Variants in TONSL observed in about 807,000 individuals in gnomAD.
TONSL encodes the protein tonsoku-like protein.
Under a neutral mutation model 147.1 loss-of-function variants are expected in TONSL, and 112 were observed. The ratio of observed to expected loss-of-function variants is 0.76; its 90% confidence interval spans 0.65 to 0.89. The LOEUF (loss-of-function observed/expected upper bound fraction) is 0.89. Ranked by LOEUF, TONSL falls within the 40% of genes least tolerant of loss-of-function variation. TONSL has a pLI of 0.00. For missense variants in TONSL, 1,883 were observed against 1,864.6 expected (o/e 1.01, Z -0.18); for synonymous variants, 868 against 801.5 (o/e 1.08, Z -1.40).
At chr8:144,438,622 G>A (rs370703257) in intron 12 of TONSL, 31 bp downstream of exon 12, 156 of 1,612,644 alleles carry the variant, frequency 9.7e-5, no homozygotes, top group Middle Eastern at 3.3e-4. Flanking sequence ...GCTGCTGAGC[G>A]GGGTGGGTGG....
Position 144,442,691 on chromosome 8 carries a change from G to A in TONSL, c.564C>T (p.Ser188=). The A allele has an allele frequency of 6.2e-7, 1 of 1,612,766 alleles. No homozygotes were observed. The highest frequency in any genetic ancestry group is 2.2e-5 in the East Asian group (1 of 44,888). ...CAGGGCCTTACTCCGCAAGGAAGATGCTCTTCCTGAAGTAATCGTTGCACA... is the reference window on the plus strand; with the variant it reads ...CAGGGCCTTACTCCGCAAGGAAGATACTCTTCCTGAAGTAATCGTTGCACA... The part of the protein sequence containing the change: ...TALCNDYFRK[S]IFLAEQNHLY... The change falls in exon 5 of 26, where the codon AGC becomes AGT. Residue 188 remains serine, a synonymous_variant. Coordinates refer to ENST00000409379, the MANE Select transcript of TONSL (RefSeq NM_013432.5).
chr8:144,440,720 C>G lies in TONSL; in HGVS notation c.1162G>C (p.Glu388Gln), dbSNP rs777286020. 3 of 1,612,044 alleles carry G rather than the reference C, an allele frequency of 1.9e-6. No homozygotes were observed. Among genetic ancestry groups the G allele is most frequent in the Non-Finnish European group, 2.5e-6 (3 of 1,179,494 alleles). ...CGGGCGGGGAGCAAGGGTTTCACCT[C>G]CAGCACGTTGCCGCTGCGCAGCCTC... ...ELRLRSGNVL[E>Q]EAKTWLNIAL... The change falls in exon 9 of 26, where the codon GAG becomes CAG. Residue 388 changes from glutamate to glutamine, a missense_variant and splice_region_variant. Coordinates refer to ENST00000409379, the MANE Select transcript of TONSL (RefSeq NM_013432.5).
At chr8:144,438,782 G>T (rs758685527) in intron 11 of TONSL, 47 bp from the exon 12 acceptor site, 3 of 1,584,028 alleles carry the variant, frequency 1.9e-6, no homozygotes, top group Non-Finnish European at 2.6e-6. Flanking sequence ...GGGAGGTGAA[G>T]GTTAGCAGCC....
In TONSL at chr8:144,440,374, G is replaced by C; in HGVS notation, c.1267C>G (p.Gln423Glu). 1 of 1,602,022 alleles carries C rather than the reference G, an allele frequency of 6.2e-7. No individual in the cohort carries two copies. The highest frequency in any genetic ancestry group is 8.5e-7 in the Non-Finnish European group (1 of 1,172,742). Residue 423 changes from glutamine (Q) to glutamate (E), a missense_variant, in exon 10 of 26, where the codon CAG (glutamine) becomes GAG (glutamate). Transcript: ENST00000409379. The stretch of plus-strand genomic sequence containing the variant: ...ACCTGCAGCTGGGGACGCTGGGCCT[G>C]CTGGGCACAGCTGAGCGCTTTCTGG... ...CFQKALSCAQ[Q>E]AQRPQLQRQV...
rs982377750 is a variant in TONSL, at chr8:144,435,815, C to G, written c.2618G>C (p.Arg873Pro). ...CAGGCGGACCTGCTTGGCTCGGGCA[C>G]GGGGCCTGCTCTCCTCACTGTCCGA... ...SGSDSEESRP[R>P]ARAKQVRLTC... Residue 873 changes from arginine to proline, a missense_variant, in exon 17 of 26, where the codon CGT (arginine) becomes CCT (proline). Transcript: ENST00000409379. 17 of 1,612,492 alleles carry G rather than the reference C, an allele frequency of 1.1e-5. No homozygotes were observed. Among genetic ancestry groups the G allele is most frequent in the Non-Finnish European group, 1.4e-5 (16 of 1,179,808 alleles).
In TONSL at chr8:144,440,056, G is replaced by C. The variant is rs1380702235; in HGVS notation, c.1445C>G (p.Ala482Gly). The change falls in exon 11 of 26, where the codon GCC becomes GGC. Residue 482 changes from alanine to glycine, a missense_variant. Physicochemically the swap from Ala to Gly is moderately conservative, Grantham distance 60. Coordinates refer to ENST00000409379, the MANE Select transcript of TONSL (RefSeq NM_013432.5). ...GAGCTCCACCTCGCCGGCCTCCAGGGCTTCGCTCTCCGCTGTGGCTGCCGC... is the reference window on the plus strand; with the variant it reads ...GAGCTCCACCTCGCCGGCCTCCAGGCCTTCGCTCTCCGCTGTGGCTGCCGC... ...EEAAATAESEALEAGEVELSE... is the reference protein window; with the variant it reads ...EEAAATAESEGLEAGEVELSE... 2 of 1,527,590 alleles carry C rather than the reference G, an allele frequency of 1.3e-6. No homozygotes were observed. The highest frequency in any genetic ancestry group is 2.3e-5 in the East Asian group (1 of 44,408). The allele number at this position is 1,527,590 out of a possible 1,614,324, so 94.6% of individuals were successfully genotyped here. A position where few individuals can be genotyped will look rare whatever the true frequency, so the allele number is the denominator to read the frequency against.
At position 144,443,892 on chromosome 8, in the gene TONSL, G is replaced by C. The variant is rs575606013; in HGVS notation, c.254C>G (p.Ala85Gly). 6 of 1,545,474 alleles carry C rather than the reference G, an allele frequency of 3.9e-6. No homozygotes were observed. In the African/African-American group the frequency reaches 6.8e-5, roughly 18 times the overall value. ...ERLAEMEDYP[A>G]ALQHQHQYLE... Reference sequence around the variant, plus strand: ...TGAGGGCGCCCGCACCTGCAAGGCAGCCGGGTAGTCCTCCATCTCGGCCAG... The same window carrying C: ...TGAGGGCGCCCGCACCTGCAAGGCACCCGGGTAGTCCTCCATCTCGGCCAG... Residue 85 changes from alanine to glycine, a missense_variant, in exon 3 of 26, where the codon GCT (alanine) becomes GGT (glycine). Physicochemically the swap from Ala to Gly is moderately conservative, Grantham distance 60. Coordinates refer to ENST00000409379, the MANE Select transcript of TONSL (RefSeq NM_013432.5).
In TONSL at chr8:144,430,452, A is replaced by G. The variant is rs782291399; in HGVS notation, c.3895T>C (p.Ser1299Pro). 1 of 1,613,096 alleles carries G rather than the reference A, an allele frequency of 6.2e-7. No homozygotes were observed. The highest frequency in any genetic ancestry group is 1.1e-5 in the South Asian group (1 of 90,874). The stretch of plus-strand genomic sequence containing the variant: ...CCTTGGGGCCGCTTTTGGAGGGTGG[A>G]CAGGAGCTCTTCCAAGCTGGCACAG... ...ISCASLEELLSTLQKRPQGLS... is the reference protein window; with the variant it reads ...ISCASLEELLPTLQKRPQGLS... Residue 1299 changes from serine (S) to proline (P), a missense_variant, in exon 25 of 26, where the codon TCC becomes CCC. Ser to Pro is a moderately conservative substitution (Grantham distance 74). Coordinates refer to ENST00000409379, the MANE Select transcript of TONSL (RefSeq NM_013432.5).
chr8:144,440,609 A>G, intron 9 of TONSL, 109 bp downstream of exon 9: 1 of 1,531,638 alleles, frequency 6.5e-7, no homozygotes, highest in South Asian at 1.2e-5. Flanking sequence ...GGTCCTAGGA[A>G]GGAGCTGCCC....
At chr8:144,436,979 C>T (rs745687672) in intron 14 of TONSL, 48 bp downstream of exon 14, 2 of 1,612,980 alleles carry the variant, frequency 1.2e-6, no homozygotes, top group Non-Finnish European at 1.7e-6. Flanking sequence ...GACTCTTCGC[C>T]CCACGTGTCC....
In TONSL at chr8:144,434,094, C is replaced by G. The variant is rs1554879340; in HGVS notation, c.3271G>C (p.Val1091Leu). 8 of 1,612,294 alleles carry G rather than the reference C, an allele frequency of 5.0e-6. No individual in the cohort carries two copies. The highest frequency in any genetic ancestry group is 6.8e-6 in the Non-Finnish European group (8 of 1,179,682). Reference protein sequence around the residue: ...RLGDKCVAELVAALGTMPSLA... With the variant: ...RLGDKCVAELLAALGTMPSLA... ...CTGGGCATGGTGCCCAGGGCAGCCACCAGCTCAGCCACACACTTGTCCCCC... is the reference window on the plus strand; with the variant it reads ...CTGGGCATGGTGCCCAGGGCAGCCAGCAGCTCAGCCACACACTTGTCCCCC... The change falls in exon 21 of 26, where the codon GTG (valine) becomes CTG (leucine). Residue 1091 changes from valine to leucine, a missense_variant. By Grantham distance (32) the Val-to-Leu change is conservative. Transcript: ENST00000409379.
chr8:144,442,493 G>A, intron 5 of TONSL, 81 bp from the exon 6 acceptor site: 1 of 1,492,016 alleles, frequency 6.7e-7, no homozygotes, highest in Non-Finnish European at 8.9e-7. Context: ...GCCCTGCCAT[G>A]CTGTGGTCTC....
In TONSL at chr8:144,432,473, C is replaced by T. The variant is rs797038986; in HGVS notation, c.3560-13G>A. 4 of 1,521,332 alleles carry T rather than the reference C, an allele frequency of 2.6e-6. No individual in the cohort carries two copies. In the South Asian group the frequency reaches 5.2e-5, roughly 20 times the overall value. The allele number at this position is 1,521,332 out of a possible 1,614,324, so 94.2% of individuals were successfully genotyped here. A position where few individuals can be genotyped will look rare whatever the true frequency, so the allele number is the denominator to read the frequency against. The stretch of plus-strand genomic sequence containing the variant: ...AGGTGCTCAGCATCTGCACCGGGGC[C>T]AGAATCCGTCAGCCCCACGTGGCCA... On this transcript the variant is annotated splice_polypyrimidine_tract_variant and intron_variant, in intron 22 of 25. Coordinates refer to ENST00000409379, the MANE Select transcript of TONSL (RefSeq NM_013432.5).
At chr8:144,430,590 C>G (rs1235560774) in intron 24 of TONSL, 53 bp from the exon 25 acceptor site, 1 of 1,552,632 alleles carries the variant, frequency 6.4e-7, no homozygotes, top group Non-Finnish European at 8.7e-7. Flanking sequence ...AGGCTGTGCC[C>G]CAACACTAGG....
Position 144,442,810 on chromosome 8 carries a change from G to A in TONSL, c.449-4C>T, listed in dbSNP as rs751511411. On this transcript the variant is annotated splice_polypyrimidine_tract_variant and splice_region_variant and intron_variant, in intron 4 of 25. Coordinates refer to ENST00000409379, the MANE Select transcript of TONSL (RefSeq NM_013432.5). ...AGCTCTCCCTGGGCCAGTGTCCCTG[G>A]AAGATACCCCCCCAAACACTCAGCC... The A allele has an allele frequency of 1.2e-6, 2 of 1,609,726 alleles. No individual in the cohort carries two copies. The highest frequency in any genetic ancestry group is 4.5e-5 in the East Asian group (2 of 44,846).
intron 2 of TONSL, 37 bp from the exon 3 acceptor site, chr8:144,444,061 G>A (rs757693828): frequency 6.8e-7 from 1 of 1,475,180 alleles, no homozygotes; most frequent in Non-Finnish European, 9.0e-7. Flanking sequence ...CAGGCGTCGC[G>A]GGTGCGAGGG....
In TONSL at chr8:144,429,079, G is replaced by A. The variant is rs1823045486; in HGVS notation, c.*64C>T. The A allele has an allele frequency of 2.1e-6, 3 of 1,446,624 alleles. No individual in the cohort carries two copies. Among genetic ancestry groups the A allele is most frequent in the Non-Finnish European group, 1.8e-6 (2 of 1,102,468 alleles). 89.6% of individuals were successfully genotyped at this position (1,446,624 alleles called of 1,614,324 possible). Reference sequence around the variant, plus strand: ...GTTGGGATTACAGGCGTGAGCCACCGCGCCCGGCCAGCAGCTTCATTTATT... The same window carrying A: ...GTTGGGATTACAGGCGTGAGCCACCACGCCCGGCCAGCAGCTTCATTTATT... On this transcript the variant is annotated 3_prime_UTR_variant, in exon 26 of 26. Transcript: ENST00000409379.
rs774494708 is a variant in TONSL, at chr8:144,440,128, T to C, written c.1373A>G (p.Glu458Gly). 3.1e-6 allele frequency: 5 copies of C among 1,612,022 alleles called. No homozygotes were observed. The highest frequency in any genetic ancestry group is 3.3e-5 in the Admixed American group (2 of 59,762). ...ATCTTCATCTTCAGCTACACTGAGC[T>C]CCCGTAGTCTGGTTTCGGTCTCAGG... Reference protein sequence around the residue: ...EAPETETRLRELSVAEDEDEE... With the variant: ...EAPETETRLRGLSVAEDEDEE... The change falls in exon 11 of 26, where the codon GAG (glutamate) becomes GGG (glycine). Residue 458 changes from glutamate (E) to glycine (G), a missense_variant. Transcript: ENST00000409379.
At position 144,435,003 on chromosome 8, in the gene TONSL, G is replaced by A. The variant is rs372810678; in HGVS notation, c.3006+14C>T. 1.2e-5 allele frequency: 19 copies of A among 1,611,950 alleles called. No individual in the cohort carries two copies. Among genetic ancestry groups the A allele is most frequent in the East Asian group, 4.5e-5 (2 of 44,858 alleles). ...TGCCTGAGGCCCTGGCTCCCCCTCCGCTCTGCGGCTCACCTCGTCATTGCT... is the reference window on the plus strand; with the variant it reads ...TGCCTGAGGCCCTGGCTCCCCCTCCACTCTGCGGCTCACCTCGTCATTGCT... On this transcript the variant is annotated intron_variant, in intron 19 of 25. Coordinates refer to ENST00000409379, the MANE Select transcript of TONSL (RefSeq NM_013432.5).
Sources: gnomAD v4.1 joint callset for allele counts on GRCh38, gnomAD v4.1.1 for gene constraint, MANE v1.5 for transcripts, NCBI Gene and HGNC (gene_info 2026-07-23, HGNC 2026-07-21) for gene names.